The following AIG1 variants were observed in gnomAD, a reference collection of about 807,000 sequenced individuals.
The protein encoded by AIG1 is androgen induced 1.
Under a neutral mutation model 31.4 loss-of-function variants are expected in AIG1, and 23 were observed. The ratio of observed to expected loss-of-function variants is 0.73; its 90% CI spans 0.53 to 1.04. The LOEUF is 1.04. Ranked by LOEUF, AIG1 falls within the 50% of genes least tolerant of loss-of-function variation. The pLI, the probability that AIG1 is intolerant of heterozygous loss-of-function variation, is 0.00. For synonymous variants in AIG1, 100 were observed against 110.5 expected (o/e 0.90, Z 0.60); for missense variants, 274 against 295.0 (o/e 0.93, Z 0.52).
intron 1 of AIG1, among the ~76,000 whole-genome samples, chr6:143,077,861 C>A (rs1004433930): frequency 1.3e-5 from 2 of 152,172 alleles, no homozygotes; most frequent in African/African-American, 4.8e-5. Context: ...TTGAAGCCGC[C>A]ACTTAATATT....
intron 2 of AIG1, among the ~76,000 whole-genome samples, chr6:143,154,311 T>G (rs374201199): frequency 6.6e-6 from 1 of 152,184 alleles, no homozygotes; most frequent in East Asian, 1.9e-4. Context: ...CCATACATTG[T>G]TAAGACTAAA....
At chr6:143,242,103 G>A (rs1248905182) in intron 3 of AIG1, among the ~76,000 whole-genome samples, 1 of 152,010 alleles carries the variant, frequency 6.6e-6, no homozygotes, top group Admixed American at 6.5e-5. Flanking sequence ...CCAGGATAAA[G>A]AGGAAAAGCA....
intron 3 of AIG1, among the ~76,000 whole-genome samples, chr6:143,234,995 A>G (rs1793705102): frequency 6.6e-6 from 1 of 152,102 alleles, no homozygotes; most frequent in Non-Finnish European, 1.5e-5. Flanking sequence ...GGGGGTGGAG[A>G]GGCCTAATCA....
chr6:143,212,529 A>G (rs1470249383), intron 3 of AIG1, among the ~76,000 whole-genome samples: 1 of 152,178 alleles, frequency 6.6e-6, no homozygotes, highest in Admixed American at 6.5e-5. Context: ...ACTTCCAGAC[A>G]CGTTTTAAGC....
intron 1 of AIG1, among the ~76,000 whole-genome samples, chr6:143,070,448 A>AT (rs1030257927): frequency 4.6e-5 from 7 of 151,128 alleles, no homozygotes; most frequent in East Asian, 1.9e-4. Flanking sequence ...GGTATTTTTA[A>AT]TTTTTTTTTA....
chr6:143,135,655 A>T (rs1783663543), intron 1 of AIG1, among the ~76,000 whole-genome samples: 1 of 152,174 alleles, frequency 6.6e-6, no homozygotes, highest in South Asian at 2.1e-4. Flanking sequence ...CAAAAAGCCT[A>T]GGTTAACAAT....
At chr6:143,096,914 G>A (rs1157216268) in intron 1 of AIG1, among the ~76,000 whole-genome samples, 1 of 151,956 alleles carries the variant, frequency 6.6e-6, no homozygotes, top group Admixed American at 6.6e-5. Flanking sequence ...AGTCAACCTA[G>A]CATATAATTT....
intron 1 of AIG1, among the ~76,000 whole-genome samples, chr6:143,089,418 T>C (rs1432837851): frequency 6.6e-6 from 1 of 152,166 alleles, no homozygotes; most frequent in Non-Finnish European, 1.5e-5. Context: ...GGGGTGAGCT[T>C]ATTACCTTCT....
intron 3 of AIG1, among the ~76,000 whole-genome samples, chr6:143,244,425 G>GA (rs767947405): frequency 2.0e-5 from 3 of 152,154 alleles, no homozygotes; most frequent in African/African-American, 4.8e-5. Context: ...TTTTCTTGCA[G>GA]AAAAAATCCC....
intron 3 of AIG1, among the ~76,000 whole-genome samples, chr6:143,226,271 TCAC>T (rs1792943938): frequency 6.6e-6 from 1 of 151,494 alleles, no homozygotes; most frequent in East Asian, 1.9e-4. Flanking sequence ...AGATGGAGTC[TCAC>T]TCTGTCACCA....
At chr6:143,182,472 G>T (rs552344773) in intron 3 of AIG1, among the ~76,000 whole-genome samples, 1 of 152,108 alleles carries the variant, frequency 6.6e-6, no homozygotes, top group South Asian at 2.1e-4. Flanking sequence ...TCTCTTCTTG[G>T]ACTGTGTCCC....
At chr6:143,190,453 G>A in intron 3 of AIG1, 1 of 985,418 alleles carries the variant, frequency 1.0e-6, no homozygotes, top group South Asian at 4.7e-5. Flanking sequence ...GAGAGAAGTA[G>A]GGAGCTTATC....
chr6:143,131,366 G>A (rs911996515), intron 1 of AIG1, among the ~76,000 whole-genome samples: 2 of 152,084 alleles, frequency 1.3e-5, no homozygotes, highest in Non-Finnish European at 2.9e-5. Flanking sequence ...CTAATGTCAG[G>A]AACCTGTGAA....
intron 3 of AIG1, among the ~76,000 whole-genome samples, chr6:143,197,737 C>G (rs150845905): frequency 6.6e-6 from 1 of 152,140 alleles, no homozygotes; most frequent in East Asian, 1.9e-4. Flanking sequence ...TTGGGTAGAA[C>G]AGAGCCTCAC....
intron 3 of AIG1, among the ~76,000 whole-genome samples, chr6:143,250,870 G>A (rs1474041965): frequency 1.3e-5 from 2 of 152,198 alleles, no homozygotes; most frequent in Non-Finnish European, 2.9e-5. Flanking sequence ...TGTATTTTAT[G>A]TGTGGCCTAA....
chr6:143,327,435 C>T lies in AIG1; in HGVS notation c.516-5847C>T. ...GCACTCAAAGAGATCTGGAAATTTG[C>T]CACGAAGGAGATGGGAACTCCAGAT... On this transcript the variant is annotated intron_variant, in intron 4 of 5. Coordinates refer to ENST00000357847, the MANE Select transcript of AIG1 (RefSeq NM_016108.4). The surrounding 1 kb of genome is among the most constrained non-coding windows in gnomAD (Gnocchi z 5.3). 5.5e-6 allele frequency: 2 copies of T among 364,378 alleles called. No individual in the cohort carries two copies. Among genetic ancestry groups the T allele is most frequent in the Non-Finnish European group, 1.1e-5 (2 of 188,790 alleles). The allele number at this position is 364,378 out of a possible 1,614,324, so 22.6% of individuals were successfully genotyped here.
In AIG1 at chr6:143,339,877, G is replaced by A. The variant is rs1410197403; in HGVS notation, c.*201G>A. The A allele has an allele frequency of 1.0e-5, 4 of 401,464 alleles. No homozygotes were observed. The highest frequency in any genetic ancestry group is 1.3e-5 in the Non-Finnish European group (3 of 231,030). The allele number at this position is 401,464 out of a possible 1,614,324, so 24.9% of individuals were successfully genotyped here. A position where few individuals can be genotyped will look rare whatever the true frequency, so the allele number is the denominator to read the frequency against. On this transcript the variant is annotated 3_prime_UTR_variant, in exon 6 of 6. Transcript: ENST00000357847. ...CCAAAAGAACTCACCCTCACTGTGT[G>A]TTAAAGAATTCTTCCCAAAGTCATT... is the stretch of plus-strand genomic sequence containing the variant.
chr6:143,134,933 C>T (rs915174027), intron 1 of AIG1, among the ~76,000 whole-genome samples: 1 of 151,964 alleles, frequency 6.6e-6, no homozygotes, highest in East Asian at 1.9e-4. Context: ...TTCTATAGGT[C>T]GGGTGTATTA....
In AIG1 at chr6:143,249,801, A is replaced by AAAAG. The variant is rs556193305; in HGVS notation, c.400-34302_400-34299dup. Among the ~76,000 whole-genome samples the AAAAG allele has an allele frequency of 1.7e-3, 266 of 152,268 alleles. 3 individuals carry two copies. The highest frequency in any genetic ancestry group is 2.6e-3 in the Non-Finnish European group (179 of 68,016). On this transcript the variant is annotated intron_variant, in intron 3 of 5. Coordinates refer to ENST00000357847, the MANE Select transcript of AIG1 (RefSeq NM_016108.4). ...TGTGTGTTTCATATGTAAAGCCTCT[A>AAAAG]AAAGAAAGAATGTGATTGGGGTCAC...
Sources: allele counts gnomAD v4.1 joint callset (sites outside exome capture counted in the v4.1 genomes callset), GRCh38; gene constraint gnomAD v4.1.1; non-coding constraint Gnocchi (gnomAD v3.1); transcripts MANE v1.5; gene names NCBI Gene and HGNC (gene_info 2026-07-23, HGNC 2026-07-21).